CRPPA: variants seen among roughly 807,000 people sequenced by gnomAD.
CRPPA encodes D-ribitol-5-phosphate cytidylyltransferase.
A neutral mutation model predicts 52.0 loss-of-function variants in CRPPA; 43 were observed. The observed-to-expected ratio is 0.83, with a 90% CI of 0.65 to 1.07. CRPPA has a LOEUF of 1.07. CRPPA is among the 50% of genes least tolerant of loss of function. The pLI, the probability that CRPPA is intolerant of heterozygous loss-of-function variation, is 0.00. For synonymous variants in CRPPA, 250 were observed against 203.5 expected, an observed-to-expected ratio of 1.23 and a Z score of -1.94; for missense variants, 629 against 551.7, an observed-to-expected ratio of 1.14 and a Z score of -1.40.
intron 8 of CRPPA, among the ~76,000 whole-genome samples, chr7:16,227,734 G>A (rs1450178409): frequency 3.3e-5 from 5 of 151,774 alleles, no homozygotes; most frequent in African/African-American, 1.2e-4. Context: ...CTGTGCAGAA[G>A]CTTTTAAGTT....
chr7:16,160,222 T>C (rs1783274201), intron 9 of CRPPA, among the ~76,000 whole-genome samples: 1 of 152,242 alleles, frequency 6.6e-6, no homozygotes, highest in African/African-American at 2.4e-5. Context: ...TTTGGTGTTT[T>C]AGTCATGAAG....
intron 9 of CRPPA, among the ~76,000 whole-genome samples, chr7:16,146,154 G>T (rs1010768779): frequency 2.0e-5 from 3 of 151,554 alleles, no homozygotes; most frequent in African/African-American, 7.3e-5. Context: ...AAGAGAAAAC[G>T]GGAAAATGTA....
rs189997269 is a variant in CRPPA, at chr7:16,212,330, G to C, written c.1251+3736C>G. On this transcript the variant is annotated intron_variant, in intron 9 of 9. Coordinates refer to ENST00000407010, the MANE Select transcript of CRPPA (RefSeq NM_001101426.4). ...CTATTTCCCACTATATTATAAGTAA[G>C]TGAAATGACAGTTTAGTGGGGAAGA... Among the ~76,000 whole-genome samples the C allele has an allele frequency of 4.6e-5, 7 of 152,240 alleles. No homozygotes were observed. The South Asian group carries it at 1.2e-3, about 27-fold the overall frequency.
intron 9 of CRPPA, among the ~76,000 whole-genome samples, chr7:16,209,432 CG>C (rs933009049): frequency 4.6e-5 from 7 of 151,834 alleles, no homozygotes; most frequent in Non-Finnish European, 1.0e-4. Flanking sequence ...CCACCACAAT[CG>C]GCTAATTTTT....
At chr7:16,414,476 T>A (rs1375756107) in intron 1 of CRPPA, among the ~76,000 whole-genome samples, 1 of 151,702 alleles carries the variant, frequency 6.6e-6, no homozygotes, top group Non-Finnish European at 1.5e-5. Flanking sequence ...CTACAACAGA[T>A]CCAGGGAATA....
chr7:16,188,751 T>A (rs1203155753), intron 9 of CRPPA, among the ~76,000 whole-genome samples: 2 of 152,204 alleles, frequency 1.3e-5, no homozygotes, highest in Non-Finnish European at 2.9e-5. Flanking sequence ...ATAATCCATA[T>A]TAAATGTATT....
chr7:16,393,222 T>C (rs934475725), intron 2 of CRPPA, among the ~76,000 whole-genome samples: 2 of 152,110 alleles, frequency 1.3e-5, no homozygotes, highest in African/African-American at 4.8e-5. Context: ...ACATTAAAAA[T>C]TACCTAATAG....
At chr7:16,414,107 C>T (rs575468532) in intron 1 of CRPPA, among the ~76,000 whole-genome samples, 2 of 152,012 alleles carry the variant, frequency 1.3e-5, no homozygotes, top group Non-Finnish European at 2.9e-5. Flanking sequence ...AGCATGAAAC[C>T]ATCTAAAGGA....
At chr7:16,305,606 G>A (rs1477647929) in intron 4 of CRPPA, among the ~76,000 whole-genome samples, 3 of 152,122 alleles carry the variant, frequency 2.0e-5, no homozygotes, top group African/African-American at 7.2e-5. Flanking sequence ...GGTGGGTCAC[G>A]CCTGTAATCC....
intron 9 of CRPPA, among the ~76,000 whole-genome samples, chr7:16,215,019 G>C (rs1388993133): frequency 6.6e-6 from 1 of 152,186 alleles, no homozygotes; most frequent in Non-Finnish European, 1.5e-5. Context: ...TTTGGAAGCA[G>C]AGGAAACAAC....
chr7:16,336,561 A>C lies in CRPPA; in HGVS notation c.685-27934T>G, dbSNP rs866924057. 6.1e-4 allele frequency among the ~76,000 whole-genome samples: 26 copies of C among 42,736 alleles called. No individual in the cohort carries two copies. The South Asian group carries it at 0.013, about 21-fold the overall frequency. The allele number at this position is 42,736 out of a possible 152,430, so 28.0% of individuals were successfully genotyped here. A position where few individuals can be genotyped will look rare whatever the true frequency, so the allele number is the denominator to read the frequency against. On this transcript the variant is annotated intron_variant, in intron 3 of 9. Transcript: ENST00000407010. ...ATAAAACCACAAAGGAAAAGAGCAAAAAAAAAAAAAAGGAAAGAAGGAACC... is the reference window on the plus strand; with the variant it reads ...ATAAAACCACAAAGGAAAAGAGCAACAAAAAAAAAAAGGAAAGAAGGAACC...
chr7:16,174,217 G>A (rs1304260812), intron 9 of CRPPA, among the ~76,000 whole-genome samples: 1 of 152,156 alleles, frequency 6.6e-6, no homozygotes, highest in African/African-American at 2.4e-5. Flanking sequence ...GCATCATCCT[G>A]ATGTAACTCA....
chr7:16,177,218 C>T (rs570592473), intron 9 of CRPPA, among the ~76,000 whole-genome samples: 1 of 152,056 alleles, frequency 6.6e-6, no homozygotes, highest in South Asian at 2.1e-4. Context: ...GTTTTGTACC[C>T]TAGTTGTGCT....
intron 3 of CRPPA, among the ~76,000 whole-genome samples, chr7:16,346,543 C>T (rs1275994385): frequency 6.6e-6 from 1 of 151,918 alleles, no homozygotes; most frequent in African/African-American, 2.4e-5. Flanking sequence ...ATAAGAAAAG[C>T]TAAGATAATT....
chr7:16,212,555 G>A lies in CRPPA; in HGVS notation c.1251+3511C>T, dbSNP rs564969783. ...ACACCGTAATGAATAATTTCTCCAG[G>A]AAAAGAAAGGAAATAATAGTTCAGG... On this transcript the variant is annotated intron_variant, in intron 9 of 9. Coordinates refer to ENST00000407010, the MANE Select transcript of CRPPA (RefSeq NM_001101426.4). Among the ~76,000 whole-genome samples the A allele has an allele frequency of 7.9e-5, 12 of 152,202 alleles. No individual in the cohort carries two copies. The South Asian group carries it at 2.5e-3, about 32-fold the overall frequency.
At chr7:16,340,691 G>A (rs973350809) in intron 3 of CRPPA, among the ~76,000 whole-genome samples, 4 of 151,334 alleles carry the variant, frequency 2.6e-5, no homozygotes, top group Non-Finnish European at 5.9e-5. Flanking sequence ...TTGGAAGACA[G>A]TTTTGCAGTT....
chr7:16,308,302 T>C (rs1784958752), intron 4 of CRPPA, among the ~76,000 whole-genome samples: 1 of 152,124 alleles, frequency 6.6e-6, no homozygotes, highest in Non-Finnish European at 1.5e-5. Flanking sequence ...AAAAAGTGAA[T>C]AAACCAATCT....
At chr7:16,241,571 C>T (rs1245670159) in intron 8 of CRPPA, among the ~76,000 whole-genome samples, 1 of 152,044 alleles carries the variant, frequency 6.6e-6, no homozygotes, top group East Asian at 1.9e-4. Context: ...TTGCCAATTT[C>T]TTCCCACTTT....
At chr7:16,239,096 C>A (rs1333229216) in intron 8 of CRPPA, among the ~76,000 whole-genome samples, 1 of 141,716 alleles carries the variant, frequency 7.1e-6, no homozygotes, top group African/African-American at 2.7e-5. Context: ...TGAGATCATG[C>A]CACTGCATTC....
Sources: gnomAD v4.1 joint callset for allele counts (sites outside exome capture counted in the v4.1 genomes callset) on GRCh38, gnomAD v4.1.1 for gene constraint, MANE v1.5 for transcripts, NCBI Gene and HGNC (gene_info 2026-07-23, HGNC 2026-07-21) for gene names.